ATF6: variants seen among roughly 807,000 people sequenced by gnomAD.
ATF6 encodes cyclic AMP-dependent transcription factor ATF-6 alpha.
In ATF6, 53 loss-of-function variants were observed where a neutral mutation model predicts 83.6. The ratio of observed to expected loss-of-function variants is 0.63; its 90% CI spans 0.51 to 0.80. The LOEUF (loss-of-function observed/expected upper bound fraction) is 0.80. ATF6 is among the 30% of genes least tolerant of loss of function. The pLI, the probability that ATF6 is intolerant of heterozygous loss-of-function variation, is 0.00. For synonymous variants in ATF6, 288 were observed against 285.8 expected (o/e 1.01, Z -0.08); for missense variants, 744 against 797.9 (o/e 0.93, Z 0.81).
chr1:161,770,009 T>C (rs1338927769), intron 1 of ATF6, among the ~76,000 whole-genome samples: 1 of 152,154 alleles, frequency 6.6e-6, no homozygotes, highest in Non-Finnish European at 1.5e-5. Flanking sequence ...CATGTATCCA[T>C]AATTACAGTA....
chr1:161,950,728 C>G (rs1035576849), intron 15 of ATF6, among the ~76,000 whole-genome samples: 1 of 152,194 alleles, frequency 6.6e-6, no homozygotes, highest in African/African-American at 2.4e-5. Flanking sequence ...CCAGTCTTCT[C>G]ATGGGCCCCT....
intron 15 of ATF6, among the ~76,000 whole-genome samples, chr1:161,920,623 T>C (rs1436484379): frequency 6.6e-6 from 1 of 151,386 alleles, no homozygotes; most frequent in Non-Finnish European, 1.5e-5. Flanking sequence ...TTTTATTATA[T>C]TGAGAAGTCC....
At chr1:161,904,510 C>A (rs1477445800) in intron 14 of ATF6, among the ~76,000 whole-genome samples, 2 of 152,048 alleles carry the variant, frequency 1.3e-5, no homozygotes, top group Non-Finnish European at 2.9e-5. Flanking sequence ...ATCACTTGAA[C>A]CCAGGAGGCA....
intron 7 of ATF6, among the ~76,000 whole-genome samples, chr1:161,816,142 A>T (rs1313912756): frequency 6.6e-6 from 1 of 152,212 alleles, no homozygotes; most frequent in Non-Finnish European, 1.5e-5. Context: ...ACTATTTTGC[A>T]GCTGTAGAGT....
rs147877486 is a variant in ATF6 at position 161,886,009 on chromosome 1, T to A, written c.1719+22697T>A. Among the ~76,000 whole-genome samples the A allele has an allele frequency of 3.8e-3, 575 of 152,320 alleles. 6 individuals are homozygous for A. The highest frequency in any genetic ancestry group is 0.013 in the African/African-American group (530 of 41,576). Reference sequence around the variant, plus strand: ...TGAGGTAGATATCATTACACTATTTTACTTGTGCCAAGAGCACTACATTCA... The same window carrying A: ...TGAGGTAGATATCATTACACTATTTAACTTGTGCCAAGAGCACTACATTCA... On this transcript the variant is annotated intron_variant, in intron 14 of 15. Coordinates refer to ENST00000367942, the MANE Select transcript of ATF6 (RefSeq NM_007348.4).
chr1:161,804,806 A>G (rs929014865), intron 7 of ATF6, among the ~76,000 whole-genome samples: 2 of 152,032 alleles, frequency 1.3e-5, no homozygotes, highest in South Asian at 2.1e-4. Flanking sequence ...ATGTTGGTCT[A>G]TTAGTCAGAC....
intron 15 of ATF6, among the ~76,000 whole-genome samples, chr1:161,919,224 C>T (rs1483298048): frequency 6.6e-6 from 1 of 152,116 alleles, no homozygotes. Flanking sequence ...AGGAAGTTGT[C>T]ACACAAGATT....
At chr1:161,914,409 C>G (rs1020857997) in intron 15 of ATF6, among the ~76,000 whole-genome samples, 1 of 152,116 alleles carries the variant, frequency 6.6e-6, no homozygotes, top group Non-Finnish European at 1.5e-5. Flanking sequence ...TTGTTGCTGC[C>G]GTCTACTCCA....
At chr1:161,812,538 G>A (rs1226925985) in intron 7 of ATF6, among the ~76,000 whole-genome samples, 2 of 149,928 alleles carry the variant, frequency 1.3e-5, no homozygotes, top group African/African-American at 4.9e-5. Flanking sequence ...GACTACAGGC[G>A]CCCGCCACTA....
chr1:161,833,015 G>A (rs1306168849), intron 9 of ATF6, among the ~76,000 whole-genome samples: 66 of 152,248 alleles, frequency 4.3e-4, no homozygotes, highest in African/African-American at 1.4e-3. Flanking sequence ...CAGTAGGGGC[G>A]GACTGACACC....
chr1:161,808,266 T>C (rs1399226519), intron 7 of ATF6, among the ~76,000 whole-genome samples: 1 of 152,192 alleles, frequency 6.6e-6, no homozygotes, highest in Admixed American at 6.5e-5. Context: ...TTCTCTCTCC[T>C]TTCTCTAATT....
intron 3 of ATF6, 46 bp downstream of exon 3, chr1:161,782,045 A>G (rs1466550395): frequency 1.4e-6 from 2 of 1,385,592 alleles, no homozygotes; most frequent in East Asian, 2.4e-5. Context: ...GATCAATTTT[A>G]TTTTGTAGTT....
At chr1:161,768,822 C>G (rs933571955) in intron 1 of ATF6, among the ~76,000 whole-genome samples, 4 of 152,064 alleles carry the variant, frequency 2.6e-5, no homozygotes, top group African/African-American at 9.7e-5. Flanking sequence ...CCTGCCTCAA[C>G]CTCCCAGGTG....
intron 14 of ATF6, among the ~76,000 whole-genome samples, chr1:161,874,774 T>C (rs564761286): frequency 4.6e-5 from 7 of 151,770 alleles, no homozygotes; most frequent in Non-Finnish European, 8.9e-5. Flanking sequence ...GAGAATGATA[T>C]GCAATAAAAA....
At chr1:161,885,113 C>CT (rs1687394579) in intron 14 of ATF6, among the ~76,000 whole-genome samples, 1 of 152,150 alleles carries the variant, frequency 6.6e-6, no homozygotes, top group African/African-American at 2.4e-5. Context: ...CCTGGGGAGC[C>CT]TGTTGATACA....
rs373949158 is a variant in ATF6 at position 161,844,829 on chromosome 1, G to A, written c.1188-1620G>A. Among the ~76,000 whole-genome samples the A allele has an allele frequency of 1.6e-4, 25 of 152,100 alleles. No homozygotes were observed. The East Asian group carries it at 3.7e-3, about 22-fold the overall frequency. On this transcript the variant is annotated intron_variant, in intron 9 of 15. Transcript: ENST00000367942. The stretch of plus-strand genomic sequence containing the variant: ...TGCTATTGTTTTCTGCTTCTCTCAT[G>A]TTTTCTTAAATACTCATCAGGGTGA...
At chr1:161,810,279 T>C (rs188485877) in intron 7 of ATF6, among the ~76,000 whole-genome samples, 2 of 152,314 alleles carry the variant, frequency 1.3e-5, no homozygotes, top group Admixed American at 1.3e-4. Flanking sequence ...CAATCATGAC[T>C]GTGGGTGAGG....
intron 14 of ATF6, among the ~76,000 whole-genome samples, chr1:161,885,254 T>G (rs1258743142): frequency 2.0e-5 from 3 of 152,160 alleles, no homozygotes; most frequent in Admixed American, 6.5e-5. Context: ...AATAAGAAGC[T>G]ATAAATAAAC....
intron 15 of ATF6, among the ~76,000 whole-genome samples, chr1:161,937,050 C>T (rs1688549255): frequency 6.6e-6 from 1 of 152,200 alleles, no homozygotes; most frequent in African/African-American, 2.4e-5. Flanking sequence ...TCTTGCACTA[C>T]CACTTTGGAC....
Sources: gnomAD v4.1 joint callset for allele counts (sites outside exome capture counted in the v4.1 genomes callset) on GRCh38, gnomAD v4.1.1 for gene constraint, MANE v1.5 for transcripts, NCBI Gene and HGNC (gene_info 2026-07-23, HGNC 2026-07-21) for gene names.